FRMPD1: variants seen among roughly 807,000 people sequenced by gnomAD.
FRMPD1 encodes the protein FERM and PDZ domain containing 1.
In FRMPD1, 76 loss-of-function variants were observed where a neutral mutation model predicts 117.8. The observed-to-expected ratio is 0.65, with a 90% CI of 0.54 to 0.78. FRMPD1 has a LOEUF of 0.78. Among genes scored for constraint, FRMPD1 ranks in the 30% least tolerant of loss-of-function variants. The probability of loss-of-function intolerance (pLI) is 0.00; values close to 1 mark genes in which losing one functional copy is unlikely to be tolerated. For missense variants in FRMPD1, 1,786 were observed against 1,964.5 expected (o/e 0.91, Z 1.72); for synonymous variants, 783 against 770.4 (o/e 1.02, Z -0.27).
chr9:37,607,732 G>A, the FRMPD1 span, among the ~76,000 whole-genome samples: 7 of 152,176 alleles, frequency 4.6e-5, no homozygotes, highest in South Asian at 2.1e-4. Context: ...TTACAGGGTC[G>A]GGGATTTATA....
the FRMPD1 span, chr9:37,636,944 A>G: frequency 1.0e-4 from 165 of 1,605,740 alleles, no homozygotes; most frequent in Non-Finnish European, 1.4e-4. Context: ...GCCCACCAGG[A>G]GCTTATTGAC....
At chr9:37,605,321 G>C in the FRMPD1 span, among the ~76,000 whole-genome samples, 1 of 152,192 alleles carries the variant, frequency 6.6e-6, no homozygotes, top group Non-Finnish European at 1.5e-5. Context: ...CAGTCCCTGA[G>C]GGCTGGCAAC....
At chr9:37,655,852 C>A (rs1421041019) in intron 1 of FRMPD1, among the ~76,000 whole-genome samples, 1 of 152,086 alleles carries the variant, frequency 6.6e-6, no homozygotes, top group Non-Finnish European at 1.5e-5. Flanking sequence ...TTTGCTCCCC[C>A]GTCTAGCCCC....
intron 1 of FRMPD1, among the ~76,000 whole-genome samples, chr9:37,663,087 G>T (rs1821048735): frequency 2.0e-5 from 3 of 152,152 alleles, no homozygotes; most frequent in South Asian, 4.1e-4. Flanking sequence ...GGCTTTTATT[G>T]ATTGCCCATT....
At chr9:37,620,471 C>A in the FRMPD1 span, among the ~76,000 whole-genome samples, 1 of 151,372 alleles carries the variant, frequency 6.6e-6, no homozygotes, top group East Asian at 1.9e-4. Flanking sequence ...CAGCACCGGG[C>A]ATAGAGAAGG....
chr9:37,717,381 AT>A (rs61705193), intron 5 of FRMPD1, among the ~76,000 whole-genome samples: 16,902 of 113,614 alleles, frequency 0.15, 1,374 homozygotes, highest in Middle Eastern at 0.2. Context: ...ATATATATAT[AT>A]TTTTTTTTTT....
the FRMPD1 span, chr9:37,637,167 C>T: frequency 1.9e-6 from 3 of 1,610,462 alleles, no homozygotes; most frequent in Middle Eastern, 1.7e-4. Context: ...TTGAAGTCCA[C>T]CCCGATGGTG....
chr9:37,639,130 C>T, the FRMPD1 span, among the ~76,000 whole-genome samples: 6 of 152,300 alleles, frequency 3.9e-5, no homozygotes, highest in Admixed American at 3.3e-4. Flanking sequence ...AAAATAACCA[C>T]GGTAAGTTAC....
chr9:37,737,310 C>T, intron 14 of FRMPD1, 67 bp downstream of exon 14: 2 of 1,457,574 alleles, frequency 1.4e-6, no homozygotes, highest in African/African-American at 1.4e-5. Flanking sequence ...TAAGGGCAGC[C>T]TAAAGGGAGG....
chr9:37,729,382 C>CAAAA lies in FRMPD1; in HGVS notation c.613-322_613-319dup, dbSNP rs60967717. Among the ~76,000 whole-genome samples, 34 of 54,718 alleles carry CAAAA rather than the reference C, an allele frequency of 6.2e-4. 4 individuals carry two copies. Among genetic ancestry groups the CAAAA allele is most frequent in the African/African-American group, 9.1e-4 (10 of 11,008 alleles). The allele number at this position is 54,718 out of a possible 152,430, so 35.9% of individuals were successfully genotyped here. A position where few individuals can be genotyped will look rare whatever the true frequency, so the allele number is the denominator to read the frequency against. ...TGGGTGACAGCCTGGGAGACCCTCT[C>CAAAA]AAAAAAAAAAAAAAAAAAAAAAAAA... On this transcript the variant is annotated intron_variant, in intron 7 of 15. Transcript: ENST00000377765.
chr9:37,610,476 AAAC>A, the FRMPD1 span, among the ~76,000 whole-genome samples: 4 of 151,814 alleles, frequency 2.6e-5, no homozygotes, highest in Non-Finnish European at 4.4e-5. Flanking sequence ...TCTGTCAAAA[AAAC>A]AACAACAAAA....
intron 1 of FRMPD1, among the ~76,000 whole-genome samples, chr9:37,665,786 A>C (rs1307491460): frequency 1.3e-5 from 2 of 152,180 alleles, no homozygotes; most frequent in African/African-American, 4.8e-5. Context: ...GTCTTTGGCA[A>C]CGTTGGGGTG....
At chr9:37,605,733 G>A in the FRMPD1 span, among the ~76,000 whole-genome samples, 1 of 148,470 alleles carries the variant, frequency 6.7e-6, no homozygotes, top group East Asian at 2.0e-4. Context: ...TTTACTGACT[G>A]AGACAAGGTC....
upstream of FRMPD1, among the ~76,000 whole-genome samples, chr9:37,648,682 G>A (rs1820578484): frequency 6.6e-6 from 1 of 152,164 alleles, no homozygotes; most frequent in Non-Finnish European, 1.5e-5. Flanking sequence ...AGGCCAGGAA[G>A]AAGGAAGAGT....
chr9:37,684,798 G>A (rs1369845009), intron 1 of FRMPD1, among the ~76,000 whole-genome samples: 1 of 152,096 alleles, frequency 6.6e-6, no homozygotes, highest in African/African-American at 2.4e-5. Context: ...CTGTCACCCA[G>A]GCTACAGTGC....
In FRMPD1 at chr9:37,732,371, C is replaced by T. The variant is rs370392552; in HGVS notation, c.926C>T (p.Ala309Val). The change falls in exon 10 of 16, where the codon GCG becomes GTG. Residue 309 changes from alanine to valine, a missense_variant. Physicochemically the swap from Ala to Val is moderately conservative, Grantham distance 64 (BLOSUM62 0). Coordinates refer to ENST00000377765, the MANE Select transcript of FRMPD1 (RefSeq NM_014907.3). ...EMKCSSALRL[A>V]ALHIQERIYA... ...AAATGTAGCTCTGCACTCCGACTCG[C>T]GGCTCTGCACATCCAGGAACGGATC... 9.0e-5 allele frequency: 146 copies of T among 1,613,682 alleles called. No individual in the cohort carries two copies. Among genetic ancestry groups the T allele is most frequent in the Non-Finnish European group, 1.2e-4 (142 of 1,179,920 alleles).
intron 1 of FRMPD1, among the ~76,000 whole-genome samples, chr9:37,656,908 T>C (rs1180305932): frequency 6.8e-6 from 1 of 147,362 alleles, no homozygotes; most frequent in Non-Finnish European, 1.5e-5. Context: ...GTATGTGGCC[T>C]TAATATTAGT....
intron 1 of FRMPD1, among the ~76,000 whole-genome samples, chr9:37,671,481 G>A (rs1170282970): frequency 6.6e-6 from 1 of 152,094 alleles, no homozygotes; most frequent in Non-Finnish European, 1.5e-5. Context: ...CATCTATTAG[G>A]CACTGAAAAA....
chr9:37,744,665 G>A lies in FRMPD1; in HGVS notation c.2633G>A (p.Gly878Asp), dbSNP rs1824597316. 1.2e-6 allele frequency: 2 copies of A among 1,614,020 alleles called. No homozygotes were observed. Reference sequence around the variant, plus strand: ...GACAGGGAGCCCTACCTGGCCCTTGGTGCACCCTCCCCAACTGTGTCCTCT... The same window carrying A: ...GACAGGGAGCCCTACCTGGCCCTTGATGCACCCTCCCCAACTGTGTCCTCT... ...YYDREPYLALGAPSPTVSSLQ... is the reference protein window; with the variant it reads ...YYDREPYLALDAPSPTVSSLQ... Residue 878 changes from glycine (G) to aspartate (D), a missense_variant, in exon 16 of 16, where the codon GGT becomes GAT. Gly to Asp is a moderately conservative substitution (Grantham distance 94). Transcript: ENST00000377765.
Sources: allele counts gnomAD v4.1 joint callset (sites outside exome capture counted in the v4.1 genomes callset), GRCh38; gene constraint gnomAD v4.1.1; transcripts MANE v1.5; gene names NCBI Gene and HGNC (gene_info 2026-07-23, HGNC 2026-07-21).